The following BEND3 variants were observed in gnomAD, a reference collection of about 807,000 sequenced individuals.
BEND3 encodes BEN domain-containing protein 3.
A neutral mutation model predicts 60.1 loss-of-function variants in BEND3; 13 were observed. That is an observed-to-expected ratio of 0.22 (90% confidence interval 0.14 to 0.34). The LOEUF (loss-of-function observed/expected upper bound fraction) is 0.34. Among genes scored for constraint, BEND3 ranks in the 10% least tolerant of loss-of-function variants. The pLI is 1.00. For missense variants in BEND3, 896 were observed against 1,138.1 expected, an observed-to-expected ratio of 0.79 and a Z score of 3.06; for synonymous variants, 497 against 491.5, an observed-to-expected ratio of 1.01 and a Z score of -0.15.
intron 3 of BEND3, among the ~76,000 whole-genome samples, chr6:107,093,295 C>T (rs1307426016): frequency 6.6e-6 from 1 of 152,024 alleles, no homozygotes; most frequent in Non-Finnish European, 1.5e-5. Context: ...CCCGTCTCTA[C>T]TAAAAATACA....
intron 3 of BEND3, among the ~76,000 whole-genome samples, chr6:107,095,843 A>G (rs1368654518): frequency 6.6e-6 from 1 of 152,242 alleles, no homozygotes; most frequent in Non-Finnish European, 1.5e-5. Context: ...GGAAAAGATA[A>G]AAGTATGGAG....
At chr6:107,092,400 A>T (rs1441883144) in intron 3 of BEND3, among the ~76,000 whole-genome samples, 1 of 152,250 alleles carries the variant, frequency 6.6e-6, no homozygotes. Flanking sequence ...CAATAAATGC[A>T]GAAAAAGCAC....
At chr6:107,108,811 G>C (rs1053059851) in intron 1 of BEND3, among the ~76,000 whole-genome samples, 3 of 152,262 alleles carry the variant, frequency 2.0e-5, no homozygotes, top group East Asian at 3.9e-4. Context: ...AGGGTTGATT[G>C]ATTGATTGAT....
At chr6:107,093,529 T>C (rs1775520695) in intron 3 of BEND3, among the ~76,000 whole-genome samples, 2 of 151,376 alleles carry the variant, frequency 1.3e-5, no homozygotes, top group Non-Finnish European at 2.9e-5. Flanking sequence ...ACCATAAAGC[T>C]ACAGTAATCA....
rs529278902 is a variant in BEND3, at chr6:107,068,528, C to T, written c.*176G>A. 1 of 702,974 alleles carries T rather than the reference C, an allele frequency of 1.4e-6. No individual in the cohort carries two copies. Among genetic ancestry groups the T allele is most frequent in the Admixed American group, 3.0e-5 (1 of 32,790 alleles). 43.5% of individuals were successfully genotyped at this position (702,974 alleles called of 1,614,324 possible). A position where few individuals can be genotyped will look rare whatever the true frequency, so the allele number is the denominator to read the frequency against. ...TAAGTACAAGAGACCAAACTCAAGG[C>T]TTCTTTCTTGCGGTTGGGTGGGTGT... On this transcript the variant is annotated 3_prime_UTR_variant, in exon 4 of 4. Transcript: ENST00000369042. The surrounding 1 kb of genome is among the most constrained non-coding windows in gnomAD (Gnocchi z 5.8).
At chr6:107,112,025 A>T (rs916377122) in intron 1 of BEND3, among the ~76,000 whole-genome samples, 1 of 151,728 alleles carries the variant, frequency 6.6e-6, no homozygotes, top group African/African-American at 2.4e-5. Flanking sequence ...CAGGAAAAAA[A>T]CACTACATCC....
At chr6:107,110,029 T>G (rs1209200332) in intron 1 of BEND3, among the ~76,000 whole-genome samples, 3 of 67,106 alleles carry the variant, frequency 4.5e-5, no homozygotes, top group Admixed American at 3.8e-4. Context: ...AGACCCTGAC[T>G]CAAAAAAAAA....
At chr6:107,109,159 C>T (rs988843071) in intron 1 of BEND3, among the ~76,000 whole-genome samples, 12 of 146,642 alleles carry the variant, frequency 8.2e-5, no homozygotes, top group Admixed American at 2.7e-4. Context: ...TTGGTGGGGG[C>T]GGGGGGCGGT....
intron 3 of BEND3, among the ~76,000 whole-genome samples, chr6:107,080,367 AAAAAAAAAAAC>A (rs1444134704): frequency 6.7e-5 from 10 of 149,850 alleles, no homozygotes; most frequent in African/African-American, 2.0e-4. Flanking sequence ...AAAAAAAAAA[AAAAAAAAAAAC>A]AAAAAACAGG....
At chr6:107,113,996 A>G (rs1770192014) in intron 1 of BEND3, 1 of 152,116 alleles carries the variant, frequency 6.6e-6, no homozygotes, top group South Asian at 2.1e-4. Context: ...CACATTTCCA[A>G]CTCTAGTGAG....
chr6:107,109,422 G>T (rs549355815), intron 1 of BEND3, among the ~76,000 whole-genome samples: 86 of 83,654 alleles, frequency 1.0e-3, no homozygotes, highest in Non-Finnish European at 1.7e-3. Flanking sequence ...CAGCCTGGGT[G>T]ACAGAGCAAG....
intron 3 of BEND3, among the ~76,000 whole-genome samples, chr6:107,077,213 G>T (rs1342560109): frequency 1.3e-5 from 2 of 151,802 alleles, no homozygotes; most frequent in South Asian, 2.1e-4. Flanking sequence ...TCCAGTAATC[G>T]GCCCACCTTG....
At chr6:107,104,245 G>A (rs1237462476) in intron 1 of BEND3, among the ~76,000 whole-genome samples, 2 of 147,610 alleles carry the variant, frequency 1.4e-5, no homozygotes, top group Admixed American at 6.8e-5. Flanking sequence ...AGCCGAGATC[G>A]CGCCACTGCA....
chr6:107,114,303 C>T (rs1582681686), intron 1 of BEND3: 1 of 152,174 alleles, frequency 6.6e-6, no homozygotes, highest in South Asian at 2.1e-4. Flanking sequence ...GCCGGCCGGC[C>T]AGGCCTCGCG....
At chr6:107,107,308 G>A (rs1354926316) in intron 1 of BEND3, among the ~76,000 whole-genome samples, 1 of 151,916 alleles carries the variant, frequency 6.6e-6, no homozygotes, top group Non-Finnish European at 1.5e-5. Flanking sequence ...ACCCATCCAA[G>A]CTGTATTCTG....
rs966296305 is a variant in BEND3, at chr6:107,067,773, T to G, written c.*931A>C. ...ACACGGAAAAGTAAACAGTTCATGGTGAGCTCAAAGAGGCCCACCCTTAAA... is the reference window on the plus strand; with the variant it reads ...ACACGGAAAAGTAAACAGTTCATGGGGAGCTCAAAGAGGCCCACCCTTAAA... On this transcript the variant is annotated 3_prime_UTR_variant, in exon 4 of 4. Transcript: ENST00000369042. 6.6e-6 allele frequency: 1 copy of G among 152,126 alleles called. No homozygotes were observed. Among genetic ancestry groups the G allele is most frequent in the East Asian group, 1.9e-4 (1 of 5,196 alleles). The allele number at this position is 152,126 out of a possible 1,614,324, so 9.4% of individuals were successfully genotyped here.
intron 1 of BEND3, among the ~76,000 whole-genome samples, chr6:107,109,804 G>A (rs1775903203): frequency 6.6e-6 from 1 of 151,842 alleles, no homozygotes; most frequent in Non-Finnish European, 1.5e-5. Flanking sequence ...AACCTGGGAG[G>A]CGGTGGTTGC....
rs782505609 is a variant in BEND3 at position 107,069,939 on chromosome 6, G to A, written c.1252C>T (p.Leu418Phe). The A allele has an allele frequency of 8.7e-6, 14 of 1,613,816 alleles. No homozygotes were observed. Among genetic ancestry groups the A allele is most frequent in the African/African-American group, 1.3e-5 (1 of 74,934 alleles). ...CGGTGGTCGAAGAGCTCGGGGAAGAGCCGGTGGAGGAGGAAGACGGCAAAC... is the reference window on the plus strand; with the variant it reads ...CGGTGGTCGAAGAGCTCGGGGAAGAACCGGTGGAGGAGGAAGACGGCAAAC... The part of the protein sequence containing the change: ...GEFAVFLLHR[L>F]FPELFDHRKL... The change falls in exon 4 of 4, where the codon CTC becomes TTC. Residue 418 changes from leucine to phenylalanine, a missense_variant. Leu to Phe is a conservative substitution (Grantham distance 22). Transcript: ENST00000369042.
intron 3 of BEND3, among the ~76,000 whole-genome samples, chr6:107,079,491 T>G (rs554644296): frequency 6.6e-6 from 1 of 152,278 alleles, no homozygotes; most frequent in East Asian, 1.9e-4. Flanking sequence ...ATATGCCCAC[T>G]GGGGCTTCAG....
Sources: allele counts gnomAD v4.1 joint callset (sites outside exome capture counted in the v4.1 genomes callset), GRCh38; gene constraint gnomAD v4.1.1; non-coding constraint Gnocchi (gnomAD v3.1); transcripts MANE v1.5; gene names NCBI Gene and HGNC (gene_info 2026-07-23, HGNC 2026-07-21).